The following HDX variants were observed in gnomAD, a reference collection of about 807,000 sequenced individuals.
HDX encodes the protein chromosome X open reading frame 43.
Under a neutral mutation model 45.2 loss-of-function variants are expected in HDX, and 19 were observed. The observed-to-expected ratio is 0.42, with a 90% CI of 0.29 to 0.62. The LOEUF (loss-of-function observed/expected upper bound fraction) is 0.62. Among genes scored for constraint, HDX ranks in the 20% least tolerant of loss-of-function variants. The pLI is 0.20. For missense variants in HDX, 532 were observed against 493.9 expected (o/e 1.08, Z -0.73); for synonymous variants, 188 against 172.8 (o/e 1.09, Z -0.69).
At chrX:84,389,870 G>A (rs1402803675) in intron 5 of HDX, among the ~76,000 whole-genome samples, 1 of 110,899 alleles carries the variant, frequency 9.0e-6, no homozygotes, top group African/African-American at 3.3e-5. Flanking sequence ...CAGCTCACAT[G>A]TCTGTCGGGA....
chrX:84,331,276 G>A (rs1044986667), intron 9 of HDX, among the ~76,000 whole-genome samples: 8 of 111,604 alleles, frequency 7.2e-5, no homozygotes, highest in African/African-American at 2.6e-4. Context: ...AATGAGTATG[G>A]ATGGTTGCAT....
chrX:84,494,705 A>G (rs755749815), intron 1 of HDX, among the ~76,000 whole-genome samples: 1 of 112,084 alleles, frequency 8.9e-6, no homozygotes, highest in East Asian at 2.8e-4. Context: ...ATCCCCATTG[A>G]GAAAAGGAAA....
chrX:84,454,256 G>A (rs1321857634), intron 4 of HDX, among the ~76,000 whole-genome samples: 1 of 111,578 alleles, frequency 9.0e-6, no homozygotes, highest in Non-Finnish European at 1.9e-5. Flanking sequence ...TGGAGATAGA[G>A]CACCAAGCAG....
chrX:84,354,930 C>CATATAT (rs72331919), intron 6 of HDX, among the ~76,000 whole-genome samples: 26 of 74,794 alleles, frequency 3.5e-4, no homozygotes, highest in Non-Finnish European at 4.5e-4. Context: ...CACACACACA[C>CATATAT]ATATATATAT....
intron 5 of HDX, among the ~76,000 whole-genome samples, chrX:84,409,084 A>G (rs934932450): frequency 3.6e-5 from 4 of 111,186 alleles, no homozygotes; most frequent in Non-Finnish European, 7.5e-5. Context: ...ACACTTCTCA[A>G]AAGAAGACAT....
intron 5 of HDX, among the ~76,000 whole-genome samples, chrX:84,401,306 G>A (rs1045056396): frequency 3.6e-5 from 4 of 111,311 alleles, no homozygotes; most frequent in African/African-American, 6.5e-5. Context: ...TATATCCATC[G>A]GACAAAGGTC....
chrX:84,476,660 T>C (rs1477413876), intron 2 of HDX, among the ~76,000 whole-genome samples: 1 of 109,980 alleles, frequency 9.1e-6, no homozygotes, highest in Non-Finnish European at 1.9e-5. Context: ...CAGACAGAAA[T>C]TTTTCCAGCA....
chrX:84,380,209 G>A (rs979905405), intron 5 of HDX, among the ~76,000 whole-genome samples: 4 of 106,444 alleles, frequency 3.8e-5, no homozygotes, highest in Admixed American at 3.1e-4. Context: ...CAAGTAACGG[G>A]ATCAAAGCTG....
intron 9 of HDX, among the ~76,000 whole-genome samples, chrX:84,327,614 C>A (rs761839315): frequency 3.3e-4 from 37 of 111,019 alleles, no homozygotes; most frequent in Non-Finnish European, 5.5e-4. Context: ...TCGGCCCTTA[C>A]CTCACATCAT....
At chrX:84,468,024 C>T (rs2040384581) in intron 4 of HDX, among the ~76,000 whole-genome samples, 1 of 111,249 alleles carries the variant, frequency 9.0e-6, no homozygotes, top group African/African-American at 3.3e-5. Context: ...GACTTATCAG[C>T]CATCAGCACC....
chrX:84,453,555 C>T (rs1452477641), intron 4 of HDX, among the ~76,000 whole-genome samples: 1 of 112,140 alleles, frequency 8.9e-6, no homozygotes, highest in African/African-American at 3.2e-5. Context: ...AATCACTCAT[C>T]CCAAGAGTAG....
chrX:84,480,995 T>G (rs531969155), intron 2 of HDX, among the ~76,000 whole-genome samples: 7 of 111,314 alleles, frequency 6.3e-5, no homozygotes, highest in African/African-American at 2.3e-4. Context: ...GGGAATGTTT[T>G]GAAGTACGAA....
intron 10 of HDX, among the ~76,000 whole-genome samples, chrX:84,325,849 A>G (rs2147753321): frequency 9.0e-6 from 1 of 111,681 alleles, no homozygotes; most frequent in African/African-American, 3.2e-5. Context: ...GTCCCAAAAT[A>G]TGTGCCTCTC....
At chrX:84,390,972 G>A (rs752119618) in intron 5 of HDX, among the ~76,000 whole-genome samples, 2 of 111,823 alleles carry the variant, frequency 1.8e-5, no homozygotes, top group Non-Finnish European at 3.8e-5. Flanking sequence ...AACATTTCAA[G>A]CCCCACCTTC....
chrX:84,469,615 A>G (rs1237925385), intron 3 of HDX, 40 bp from the exon 4 acceptor site: 2 of 1,091,038 alleles, frequency 1.8e-6, no homozygotes, highest in Non-Finnish European at 2.4e-6. Context: ...AAAAAATTAA[A>G]AACAAACGAA....
intron 4 of HDX, among the ~76,000 whole-genome samples, chrX:84,454,436 G>A (rs2040068314): frequency 9.0e-6 from 1 of 111,581 alleles, no homozygotes; most frequent in African/African-American, 3.3e-5. Flanking sequence ...TAGTAGCCAG[G>A]CAGTCTTTGC....
At chrX:84,411,852 T>C (rs1168570688) in intron 5 of HDX, among the ~76,000 whole-genome samples, 1 of 111,899 alleles carries the variant, frequency 8.9e-6, no homozygotes, top group East Asian at 2.8e-4. Flanking sequence ...TCCTCCTGTG[T>C]TGGGTACATT....
At chrX:84,451,640 A>G (rs1026566732) in intron 4 of HDX, among the ~76,000 whole-genome samples, 2 of 111,354 alleles carry the variant, frequency 1.8e-5, no homozygotes, top group Non-Finnish European at 3.8e-5. Flanking sequence ...AACTATTCCA[A>G]TAAAATTGAA....
chrX:84,322,703 G>T (rs745415580), intron 10 of HDX, among the ~76,000 whole-genome samples: 1 of 110,396 alleles, frequency 9.1e-6, no homozygotes, highest in Non-Finnish European at 1.9e-5. Context: ...AATAAGCTTT[G>T]TCATGGTCTA....
Sources: gnomAD v4.1 joint callset for allele counts (sites outside exome capture counted in the v4.1 genomes callset) on GRCh38, gnomAD v4.1.1 for gene constraint, MANE v1.5 for transcripts, NCBI Gene and HGNC (gene_info 2026-07-23, HGNC 2026-07-21) for gene names.